The following PLEKHA7 variants were observed in gnomAD, a reference collection of about 807,000 sequenced individuals.
PLEKHA7 encodes the protein pleckstrin homology domain-containing family A member 7.
Under a neutral mutation model 170.0 loss-of-function variants are expected in PLEKHA7, and 104 were observed. The observed-to-expected ratio is 0.61, with a 90% confidence interval of 0.52 to 0.72. The LOEUF is 0.72. Among genes scored for constraint, PLEKHA7 ranks in the 30% least tolerant of loss-of-function variants. The probability of loss-of-function intolerance (pLI) is 0.00; values close to 1 mark genes in which losing one functional copy is unlikely to be tolerated. For synonymous variants in PLEKHA7, 648 were observed against 660.8 expected (o/e 0.98, Z 0.30); for missense variants, 1,615 against 1,671.7 (o/e 0.97, Z 0.59).
intron 3 of PLEKHA7, among the ~76,000 whole-genome samples, chr11:16,921,418 A>G (rs1859081088): frequency 6.6e-6 from 1 of 152,260 alleles, no homozygotes; most frequent in Non-Finnish European, 1.5e-5. Context: ...CACAGACCCT[A>G]TGGATGAGGG....
At chr11:17,000,083 T>C (rs997029413) in intron 3 of PLEKHA7, among the ~76,000 whole-genome samples, 2 of 151,956 alleles carry the variant, frequency 1.3e-5, no homozygotes, top group Non-Finnish European at 2.9e-5. Flanking sequence ...AAGAAACCTG[T>C]CTTTGTTTTT....
intron 3 of PLEKHA7, among the ~76,000 whole-genome samples, chr11:16,961,822 T>G (rs536417817): frequency 8.5e-5 from 13 of 152,320 alleles, no homozygotes; most frequent in African/African-American, 3.1e-4. Flanking sequence ...CTTAGGCAAG[T>G]CTTTCACTTC....
rs1446529278 is a variant in PLEKHA7 at position 16,791,161 on chromosome 11, G to C, written c.2784C>G (p.Leu928=). Reference sequence around the variant, plus strand: ...CCGGGGGCTGGTCCTCTGGGCTGTAGAGTTCGGGGAGTGGGGGCCTGGGAG... The same window carrying C: ...CCGGGGGCTGGTCCTCTGGGCTGTACAGTTCGGGGAGTGGGGGCCTGGGAG... ...EAPPRPPLPE[L]YSPEDQPPAV... The change falls in exon 20 of 27, where the codon CTC becomes CTG. Residue 928 remains leucine, a synonymous_variant. Transcript: ENST00000531066. This position sits in a 1 kb window ranked among gnomAD's most constrained non-coding sequence, Gnocchi z 4.5. The C allele has an allele frequency of 1.9e-6, 3 of 1,608,810 alleles. No individual in the cohort carries two copies. The highest frequency in any genetic ancestry group is 1.3e-5 in the African/African-American group (1 of 74,746).
In PLEKHA7 at chr11:16,871,160, A is replaced by G. The variant is rs775039171; in HGVS notation, c.244T>C (p.Phe82Leu). ...AACTGTCCCGTCACAGGATGCCTGA[A>G]TGCTGTGGTCTGCTGGTTATGGCTA... ...FIDHNQQTTA[F>L]RHPVTGQFSP... is the part of the protein sequence containing the mutation. Residue 82 changes from phenylalanine to leucine, a missense_variant, in exon 4 of 27, where the codon TTC becomes CTC. Phe to Leu is a conservative substitution (Grantham distance 22). Transcript: ENST00000531066. 1 of 1,609,628 alleles carries G rather than the reference A, an allele frequency of 6.2e-7. No individual in the cohort carries two copies. Among genetic ancestry groups the G allele is most frequent in the Non-Finnish European group, 8.5e-7 (1 of 1,176,050 alleles).
intron 3 of PLEKHA7, among the ~76,000 whole-genome samples, chr11:16,968,757 T>C (rs1031960478): frequency 6.6e-6 from 1 of 152,210 alleles, no homozygotes; most frequent in Non-Finnish European, 1.5e-5. Flanking sequence ...ATGGCTGGCA[T>C]GATAGGCCTG....
At chr11:16,805,700 G>C (rs1848922247) in intron 13 of PLEKHA7, among the ~76,000 whole-genome samples, 1 of 149,072 alleles carries the variant, frequency 6.7e-6, no homozygotes, top group South Asian at 2.1e-4. Context: ...TGAGGCAGGA[G>C]AATCTCTTGA....
intron 17 of PLEKHA7, among the ~76,000 whole-genome samples, chr11:16,795,657 T>C (rs527308400): frequency 6.6e-6 from 1 of 151,460 alleles, no homozygotes; most frequent in African/African-American, 2.4e-5. Flanking sequence ...GGCATGGTGG[T>C]GTGCGCCTGT....
rs183963280 is a variant in PLEKHA7, at chr11:16,922,270, G to T, written c.222-51088C>A. Among the ~76,000 whole-genome samples, 1,076 of 152,230 alleles carry T rather than the reference G, an allele frequency of 7.1e-3. 17 individuals are homozygous for T. Among genetic ancestry groups the T allele is most frequent in the African/African-American group, 0.024 (1,014 of 41,526 alleles). The stretch of plus-strand genomic sequence containing the variant: ...CTGCCTTAATTAATGAAAAATAATA[G>T]CTATCAATTGGTAAGTACTGCATTA... On this transcript the variant is annotated intron_variant, in intron 3 of 26. Transcript: ENST00000531066.
At chr11:16,869,024 C>G (rs572417958) in intron 4 of PLEKHA7, among the ~76,000 whole-genome samples, 1 of 152,318 alleles carries the variant, frequency 6.6e-6, no homozygotes, top group African/African-American at 2.4e-5. Context: ...CAACAGGCAC[C>G]TGTGTCTCCG....
intron 3 of PLEKHA7, among the ~76,000 whole-genome samples, chr11:16,962,345 A>G (rs1241200724): frequency 6.6e-6 from 1 of 152,216 alleles, no homozygotes; most frequent in African/African-American, 2.4e-5. Flanking sequence ...CGACCAGTCA[A>G]TGAGCAGTAA....
intron 3 of PLEKHA7, among the ~76,000 whole-genome samples, chr11:16,915,482 A>C (rs561958041): frequency 5.1e-4 from 77 of 151,574 alleles, no homozygotes; most frequent in African/African-American, 1.8e-3. Flanking sequence ...ATCTAGCATT[A>C]GGCATATCTC....
At chr11:16,787,240 G>C in intron 23 of PLEKHA7, 1 of 985,326 alleles carries the variant, frequency 1.0e-6, no homozygotes, top group Non-Finnish European at 1.2e-6. Context: ...CTCTTCCCCT[G>C]AGCAAAACCA....
chr11:16,847,090 CTTTTTTTTTTT>C (rs59132787), intron 8 of PLEKHA7, among the ~76,000 whole-genome samples: 17 of 70,828 alleles, frequency 2.4e-4, no homozygotes, highest in Admixed American at 1.5e-3. Flanking sequence ...TTTTTTTTTT[CTTTTTTTTTTT>C]TTTTTTTTTT....
At chr11:16,959,291 T>C (rs1051716119) in intron 3 of PLEKHA7, among the ~76,000 whole-genome samples, 7 of 152,054 alleles carry the variant, frequency 4.6e-5, no homozygotes, top group East Asian at 1.9e-4. Context: ...GTTCCCATCA[T>C]TGAGCTCCCA....
intron 9 of PLEKHA7, among the ~76,000 whole-genome samples, chr11:16,840,952 C>G (rs1261882241): frequency 1.3e-5 from 2 of 152,134 alleles, no homozygotes; most frequent in African/African-American, 4.8e-5. Flanking sequence ...TGAAAGAACA[C>G]TGTCAAAGAG....
intron 17 of PLEKHA7, among the ~76,000 whole-genome samples, chr11:16,797,411 T>C (rs1252157180): frequency 6.6e-6 from 1 of 152,180 alleles, no homozygotes; most frequent in Non-Finnish European, 1.5e-5. Flanking sequence ...TGCCCAATAC[T>C]GCTCATTGAT....
At chr11:16,795,923 T>C (rs1305050507) in intron 17 of PLEKHA7, among the ~76,000 whole-genome samples, 9 of 137,992 alleles carry the variant, frequency 6.5e-5, no homozygotes, top group African/African-American at 2.1e-4. Flanking sequence ...TGGCGCCATC[T>C]CGGCTCACTG....
intron 3 of PLEKHA7, among the ~76,000 whole-genome samples, chr11:16,889,497 G>A (rs1222094664): frequency 6.7e-6 from 1 of 148,754 alleles, no homozygotes; most frequent in Non-Finnish European, 1.5e-5. Context: ...AGCTGCTTGG[G>A]AGGCTGAGGT....
At chr11:16,990,286 A>AAAAAAAAAAAAAC (rs1863961716) in intron 3 of PLEKHA7, among the ~76,000 whole-genome samples, 4 of 108,216 alleles carry the variant, frequency 3.7e-5, no homozygotes, top group African/African-American at 7.5e-5. Context: ...AAAAAAAAAA[A>AAAAAAAAAAAAAC]AAAAAAAAAA....
Sources: gnomAD v4.1 joint callset for allele counts (sites outside exome capture counted in the v4.1 genomes callset) on GRCh38, gnomAD v4.1.1 for gene constraint, Gnocchi (gnomAD v3.1) non-coding constraint, MANE v1.5 for transcripts, NCBI Gene and HGNC (gene_info 2026-07-23, HGNC 2026-07-21) for gene names.